CSRNP3: variants seen among roughly 807,000 people sequenced by gnomAD.
The protein encoded by CSRNP3 is cysteine and serine rich nuclear protein 3, also known as cysteine/serine-rich nuclear protein 3.
In CSRNP3, 12 loss-of-function variants were observed where a neutral mutation model predicts 48.0. The observed-to-expected ratio is 0.25, with a 90% CI of 0.16 to 0.41. The LOEUF is 0.41. Among genes scored for constraint, CSRNP3 ranks in the 10% least tolerant of loss-of-function variants. The probability of loss-of-function intolerance (pLI) is 1.00; values close to 1 mark genes in which losing one functional copy is unlikely to be tolerated. For missense variants in CSRNP3, 580 were observed against 724.4 expected (o/e 0.80, Z 2.29); for synonymous variants, 263 against 269.7 (o/e 0.98, Z 0.24).
chr2:165,505,779 CATTTA>C (rs1684417047), intron 2 of CSRNP3, among the ~76,000 whole-genome samples: 1 of 152,108 alleles, frequency 6.6e-6, no homozygotes, highest in Non-Finnish European at 1.5e-5. Context: ...TAACCACATT[CATTTA>C]ATTTATCTTA....
In CSRNP3 at chr2:165,479,655, C is replaced by A. The variant is rs74800179; in HGVS notation, c.-283+9915C>A. ...GCATAGGCACTTTGGGAGGCCAAGG[C>A]AGGAGGTTTGCTTGAGCTCAGGAGT... On this transcript the variant is annotated intron_variant, in intron 1 of 6. Coordinates refer to ENST00000651982, the MANE Select transcript of CSRNP3 (RefSeq NM_001172173.2). Among the ~76,000 whole-genome samples, 1,005 of 152,186 alleles carry A rather than the reference C, an allele frequency of 6.6e-3. 11 individuals carry two copies. Among genetic ancestry groups the A allele is most frequent in the African/African-American group, 0.023 (948 of 41,522 alleles).
At chr2:165,611,780 C>G (rs536463077) in intron 4 of CSRNP3, among the ~76,000 whole-genome samples, 1 of 152,150 alleles carries the variant, frequency 6.6e-6, no homozygotes, top group South Asian at 2.1e-4. Context: ...AGATTCAAAC[C>G]CAGACCAGTC....
chr2:165,575,385 A>G (rs1685431887), intron 3 of CSRNP3, among the ~76,000 whole-genome samples: 1 of 150,196 alleles, frequency 6.7e-6, no homozygotes, highest in African/African-American at 2.4e-5. Context: ...TGATTAAAAA[A>G]TGTTATTTTC....
At chr2:165,620,771 T>A (rs1334639647) in intron 4 of CSRNP3, among the ~76,000 whole-genome samples, 1 of 152,136 alleles carries the variant, frequency 6.6e-6, no homozygotes, top group Non-Finnish European at 1.5e-5. Context: ...ATTTAGTGAA[T>A]CCACACATAT....
intron 4 of CSRNP3, among the ~76,000 whole-genome samples, chr2:165,602,128 G>C (rs922809967): frequency 6.6e-6 from 1 of 152,100 alleles, no homozygotes; most frequent in African/African-American, 2.4e-5. Flanking sequence ...GTAAACAATG[G>C]AGGAGTGTTC....
At chr2:165,608,792 A>ATT (rs1558949112) in intron 4 of CSRNP3, among the ~76,000 whole-genome samples, 75 of 147,716 alleles carry the variant, frequency 5.1e-4, no homozygotes, top group Admixed American at 1.9e-3. Context: ...AAAAAATTAA[A>ATT]AAAAAAAAAA....
chr2:165,677,194 C>T (rs776012999), intron 6 of CSRNP3, among the ~76,000 whole-genome samples: 3 of 152,178 alleles, frequency 2.0e-5, no homozygotes. Context: ...AGGCCAAATC[C>T]GACCTTGCCA....
chr2:165,533,643 A>G (rs987410625), intron 3 of CSRNP3, among the ~76,000 whole-genome samples: 4 of 152,060 alleles, frequency 2.6e-5, no homozygotes, highest in Admixed American at 2.0e-4. Context: ...ACTGTTATTG[A>G]AAGGACACAA....
chr2:165,615,069 A>G (rs1307775109), intron 4 of CSRNP3, among the ~76,000 whole-genome samples: 1 of 152,058 alleles, frequency 6.6e-6, no homozygotes, highest in Non-Finnish European at 1.5e-5. Flanking sequence ...AATGTCTGTT[A>G]TTGTCATTTG....
At position 165,564,635 on chromosome 2, in the gene CSRNP3, G is replaced by A. The variant is rs138443128; in HGVS notation, c.-23-30408G>A. Among the ~76,000 whole-genome samples, 148 of 151,604 alleles carry A rather than the reference G, an allele frequency of 9.8e-4. 1 individual carries two copies. The highest frequency in any genetic ancestry group is 3.3e-3 in the African/African-American group (137 of 41,422). ...TTTTCTATACCTATTAGGTGTCATC[G>A]TATTTGTTTGTATTTCTGGCCAATT... On this transcript the variant is annotated intron_variant, in intron 3 of 6. Coordinates refer to ENST00000651982, the MANE Select transcript of CSRNP3 (RefSeq NM_001172173.2).
intron 5 of CSRNP3, among the ~76,000 whole-genome samples, chr2:165,660,929 T>A (rs1046110902): frequency 6.6e-6 from 1 of 152,186 alleles, no homozygotes; most frequent in Non-Finnish European, 1.5e-5. Flanking sequence ...AATCTTAACC[T>A]CACTGTGCTT....
chr2:165,477,999 AGAAG>A (rs995497460), intron 1 of CSRNP3, among the ~76,000 whole-genome samples: 3 of 151,874 alleles, frequency 2.0e-5, no homozygotes, highest in South Asian at 2.1e-4. Flanking sequence ...AAGAAAGGAA[AGAAG>A]GAAGGAAGAA....
At position 165,606,531 on chromosome 2, in the gene CSRNP3, T is replaced by G. The variant is rs987481917; in HGVS notation, c.148+11318T>G. ...GTCATATCATCAGATTAGCAAAATT[T>G]TAAGGGTTTGAAAATACCATGTATT... On this transcript the variant is annotated intron_variant, in intron 4 of 6. Transcript: ENST00000651982. Among the ~76,000 whole-genome samples, 5 of 152,158 alleles carry G rather than the reference T, an allele frequency of 3.3e-5. No individual in the cohort carries two copies. In the South Asian group the frequency reaches 6.2e-4, roughly 19 times the overall value.
chr2:165,569,432 A>G (rs1245991023), intron 3 of CSRNP3, among the ~76,000 whole-genome samples: 1 of 152,050 alleles, frequency 6.6e-6, no homozygotes, highest in Non-Finnish European at 1.5e-5. Context: ...ATTTTGGATT[A>G]CTTCTGATAA....
intron 4 of CSRNP3, among the ~76,000 whole-genome samples, chr2:165,609,696 CAT>C (rs1306592152): frequency 6.6e-6 from 1 of 152,012 alleles, no homozygotes. Flanking sequence ...CAAGGAGGGA[CAT>C]CGTACATTTT....
chr2:165,601,601 T>A (rs7595846), intron 4 of CSRNP3, among the ~76,000 whole-genome samples: 2 of 151,934 alleles, frequency 1.3e-5, no homozygotes, highest in Non-Finnish European at 2.9e-5. Flanking sequence ...TTCATAAATG[T>A]ACTTATACTT....
chr2:165,519,240 C>G (rs1684620256), intron 3 of CSRNP3, among the ~76,000 whole-genome samples: 1 of 151,808 alleles, frequency 6.6e-6, no homozygotes, highest in Non-Finnish European at 1.5e-5. Context: ...TGTGCAATCA[C>G]CTATGAAAAG....
chr2:165,599,273 AAG>A lies in CSRNP3; in HGVS notation c.148+4072_148+4073del, dbSNP rs746283268. Among the ~76,000 whole-genome samples, 31 of 69,042 alleles carry A rather than the reference AAG, an allele frequency of 4.5e-4. 1 individual carries two copies. Among genetic ancestry groups the A allele is most frequent in the African/African-American group, 1.2e-3 (23 of 19,474 alleles). The allele number at this position is 69,042 out of a possible 152,430, so 45.3% of individuals were successfully genotyped here. On this transcript the variant is annotated intron_variant, in intron 4 of 6. Transcript: ENST00000651982. ...AAAAAGAAAGAAAGAAAAAGAAAGA[AAG>A]AGAGAGAGAGAAAGAAAGAAAGAAA... is the stretch of plus-strand genomic sequence containing the variant.
At chr2:165,520,548 A>G (rs912377085) in intron 3 of CSRNP3, among the ~76,000 whole-genome samples, 1 of 151,868 alleles carries the variant, frequency 6.6e-6, no homozygotes, top group Non-Finnish European at 1.5e-5. Flanking sequence ...AGATTTCAAA[A>G]TCTATTAAGT....
Sources: gnomAD v4.1 joint callset for allele counts (sites outside exome capture counted in the v4.1 genomes callset) on GRCh38, gnomAD v4.1.1 for gene constraint, MANE v1.5 for transcripts, NCBI Gene and HGNC (gene_info 2026-07-23, HGNC 2026-07-21) for gene names.